Variants in PXDN observed in about 807,000 individuals in gnomAD.
PXDN encodes peroxidasin, also known as peroxidasin homolog.
PXDN carries 77 observed loss-of-function variants against 140.3 expected under a neutral mutation model. The observed-to-expected ratio is 0.55, with a 90% CI of 0.46 to 0.66. The LOEUF is 0.66. Among genes scored for constraint, PXDN ranks in the 30% least tolerant of loss-of-function variants. PXDN has a pLI of 0.00. For missense variants in PXDN, 1,838 were observed against 2,039.5 expected (o/e 0.90, Z 1.90); for synonymous variants, 911 against 857.4 (o/e 1.06, Z -1.09).
rs1159116818 is a variant in PXDN at position 1,648,509 on chromosome 2, T to C, written c.3271A>G (p.Ile1091Val). The change falls in exon 17 of 23, where the codon ATT becomes GTT. Residue 1091 changes from isoleucine (I) to valine (V), a missense_variant. Around this residue, in one of 5 missense-constraint regions of PXDN, gnomAD observed 850 missense variants for 894.1 expected, o/e 0.95. Transcript: ENST00000252804. The surrounding 1 kb of genome is among the most constrained non-coding windows in gnomAD (Gnocchi z 8.9). The stretch of plus-strand genomic sequence containing the variant: ...TGAAGGGGGAGGTGATCTTGTGCAA[T>C]GGGCTGGAAGTTCTCGTCCAGCCGG... ...LYRLDENFQP[I>V]AQDHLPLHKA... The C allele has an allele frequency of 1.2e-6, 2 of 1,612,774 alleles. No homozygotes were observed. The highest frequency in any genetic ancestry group is 1.7e-6 in the Non-Finnish European group (2 of 1,179,826).
rs575642508 is a variant in PXDN, at chr2:1,660,907, G to A, written c.1811C>T (p.Ser604Leu). Residue 604 changes from serine to leucine, a missense_variant, in exon 14 of 23, where the codon TCG becomes TTG. Transcript: ENST00000252804. This position sits in a 1 kb window ranked among gnomAD's most constrained non-coding sequence, Gnocchi z 4.6. ...CVARNTIGSA[S>L]VSMVLSVNVP... ...ATTCACACTGAGCACCATGCTCACC[G>A]AGGCCGACCCAATGGTGTTCCGGGC... 1.2e-5 allele frequency: 19 copies of A among 1,613,474 alleles called. No individual in the cohort carries two copies. Among genetic ancestry groups the A allele is most frequent in the African/African-American group, 9.3e-5 (7 of 75,034 alleles).
intron 1 of PXDN, among the ~76,000 whole-genome samples, chr2:1,703,480 G>GC (rs1191827700): frequency 1.6e-4 from 6 of 38,072 alleles, no homozygotes; most frequent in Admixed American, 2.3e-4. Flanking sequence ...TCCAGGTGAA[G>GC]GGGGGGCAAC....
At position 1,696,724 on chromosome 2, in the gene PXDN, C is replaced by T. The variant is rs189965334; in HGVS notation, c.201-3590G>A. 9.9e-5 allele frequency among the ~76,000 whole-genome samples: 15 copies of T among 152,260 alleles called. No homozygotes were observed. The East Asian group carries it at 2.3e-3, about 23-fold the overall frequency. On this transcript the variant is annotated intron_variant, in intron 1 of 22. Transcript: ENST00000252804. ...GGAGCTAGAAAGATTGTCACCAAAC[C>T]GGACCGTGTGTTTGGGATGGGCTGA...
chr2:1,699,322 A>G (rs1412390651), intron 1 of PXDN, among the ~76,000 whole-genome samples: 1 of 152,240 alleles, frequency 6.6e-6, no homozygotes, highest in Admixed American at 6.5e-5. Context: ...TTATTCTAAT[A>G]CCTTCCATAA....
intron 1 of PXDN, among the ~76,000 whole-genome samples, chr2:1,722,455 A>G (rs371394856): frequency 6.6e-6 from 1 of 152,352 alleles, no homozygotes; most frequent in African/African-American, 2.4e-5. Context: ...TCCAGATTCT[A>G]GCTGGCTGTG....
intron 12 of PXDN, among the ~76,000 whole-genome samples, chr2:1,663,271 AAG>A (rs1340251533): frequency 2.0e-5 from 3 of 152,148 alleles, no homozygotes; most frequent in African/African-American, 7.2e-5. Flanking sequence ...CCACCCCAGA[AAG>A]GGCAGTTAGA....
At chr2:1,658,086 CTCTCTCTGTT>C (rs1683207071) in intron 14 of PXDN, among the ~76,000 whole-genome samples, 1 of 121,374 alleles carries the variant, frequency 8.2e-6, no homozygotes, top group Non-Finnish European at 1.7e-5. Context: ...CTCTCTCTCT[CTCTCTCTGTT>C]ACAGTGTCTG....
At chr2:1,722,401 T>C (rs1011590835) in intron 1 of PXDN, among the ~76,000 whole-genome samples, 1 of 152,216 alleles carries the variant, frequency 6.6e-6, no homozygotes, top group African/African-American at 2.4e-5. Context: ...CAGGAGAATC[T>C]CAACGCAGAA....
Position 1,687,814 on chromosome 2 carries a change from A to G in PXDN, c.345-111T>C. The G allele has an allele frequency of 1.3e-6, 1 of 778,430 alleles. No homozygotes were observed. The highest frequency in any genetic ancestry group is 2.0e-6 in the Non-Finnish European group (1 of 491,416). The allele number at this position is 778,430 out of a possible 1,614,324, so 48.2% of individuals were successfully genotyped here. ...AGACAGTTTTACAATTAATGACTGT[A>G]TTAGAATGCAAACAAACCATCTGCA... On this transcript the variant is annotated intron_variant, in intron 3 of 22. Transcript: ENST00000252804. This position sits in a 1 kb window ranked among gnomAD's most constrained non-coding sequence, Gnocchi z 4.0.
At chr2:1,735,397 T>C (rs1685407093) in intron 1 of PXDN, among the ~76,000 whole-genome samples, 1 of 152,220 alleles carries the variant, frequency 6.6e-6, no homozygotes, top group Admixed American at 6.5e-5. Context: ...GGAATGAATT[T>C]ATTAAATAAT....
intron 1 of PXDN, among the ~76,000 whole-genome samples, chr2:1,721,548 T>C (rs1211201728): frequency 1.3e-5 from 2 of 152,158 alleles, no homozygotes; most frequent in African/African-American, 4.8e-5. Flanking sequence ...TCTAAAAGCC[T>C]CAAATTGGCC....
chr2:1,728,136 C>T (rs1387069312), intron 1 of PXDN, among the ~76,000 whole-genome samples: 1 of 152,192 alleles, frequency 6.6e-6, no homozygotes, highest in Non-Finnish European at 1.5e-5. Context: ...ACGGGTCTCG[C>T]CATTTTGCCC....
chr2:1,679,629 CGTGT>C lies in PXDN; in HGVS notation c.730+560_730+563del, dbSNP rs1179616412. ...TGTGTGTGTGTGGTTTGTGTCTGCA[CGTGT>C]GTGTGTCTATAAATGGTGTGTGTGT... On this transcript the variant is annotated intron_variant, in intron 7 of 22. Coordinates refer to ENST00000252804, the MANE Select transcript of PXDN (RefSeq NM_012293.3). Among the ~76,000 whole-genome samples the C allele has an allele frequency of 2.6e-4, 10 of 38,498 alleles. No individual in the cohort carries two copies. The South Asian group carries it at 4.3e-3, about 17-fold the overall frequency. 25.3% of individuals were successfully genotyped at this position (38,498 alleles called of 152,430 possible). A position where few individuals can be genotyped will look rare whatever the true frequency, so the allele number is the denominator to read the frequency against.
chr2:1,642,553 G>T (rs887834906), intron 19 of PXDN, among the ~76,000 whole-genome samples: 1 of 152,216 alleles, frequency 6.6e-6, no homozygotes, highest in Non-Finnish European at 1.5e-5. Context: ...CCATTGTGGT[G>T]GGCCCTGCTT....
At chr2:1,706,787 A>T (rs62116628) in intron 1 of PXDN, among the ~76,000 whole-genome samples, 750 of 26,668 alleles carry the variant, frequency 0.028, 96 homozygotes, top group East Asian at 0.061. Context: ...CACTTCAGTG[A>T]TCACCAATCA....
chr2:1,707,652 A>C (rs1684649266), intron 1 of PXDN, among the ~76,000 whole-genome samples: 1 of 152,234 alleles, frequency 6.6e-6, no homozygotes, highest in African/African-American at 2.4e-5. Context: ...TCAGCTGTCA[A>C]AGACGCAATA....
At chr2:1,702,165 T>G (rs1195684322) in intron 1 of PXDN, among the ~76,000 whole-genome samples, 1 of 152,210 alleles carries the variant, frequency 6.6e-6, no homozygotes, top group Non-Finnish European at 1.5e-5. Flanking sequence ...GGTCATTTCT[T>G]GTGGGATCCT....
At chr2:1,683,880 G>GT (rs201981401) in intron 5 of PXDN, among the ~76,000 whole-genome samples, 153 bp from the exon 6 acceptor site, 35 of 150,290 alleles carry the variant, frequency 2.3e-4, no homozygotes, top group South Asian at 4.3e-4. Context: ...AAAAGAAATG[G>GT]TTTTTTTTTC....
intron 13 of PXDN, among the ~76,000 whole-genome samples, chr2:1,661,347 G>A (rs1683299564): frequency 6.6e-6 from 1 of 152,182 alleles, no homozygotes; most frequent in Non-Finnish European, 1.5e-5. Context: ...CACCCGCTAT[G>A]GTGGGGGGCC....
Sources: gnomAD v4.1 joint callset for allele counts (sites outside exome capture counted in the v4.1 genomes callset) on GRCh38, gnomAD v4.1.1 for gene constraint, gnomAD v4.1.1 regional missense constraint, Gnocchi (gnomAD v3.1) non-coding constraint, MANE v1.5 for transcripts, NCBI Gene and HGNC (gene_info 2026-07-23, HGNC 2026-07-21) for gene names.